The following HTR3B variants were observed in gnomAD, a reference collection of about 807,000 sequenced individuals.
The protein encoded by HTR3B is 5-hydroxytryptamine (serotonin) receptor 3B, ionotropic.
In HTR3B, 44 loss-of-function variants were observed where a neutral mutation model predicts 42.8. The observed-to-expected ratio is 1.03, with a 90% CI of 0.81 to 1.32. HTR3B has a LOEUF of 1.32. HTR3B is among the 40% of genes most tolerant of loss of function. HTR3B has a pLI of 0.00. For synonymous variants in HTR3B, 203 were observed against 209.0 expected (o/e 0.97, Z 0.25); for missense variants, 527 against 536.5 (o/e 0.98, Z 0.17).
rs1487650788 is a variant in HTR3B, at chr11:113,948,666, C to A, written c.*2529C>A. 1.3e-5 allele frequency among the ~76,000 whole-genome samples: 2 copies of A among 152,144 alleles called. No homozygotes were observed. The highest frequency in any genetic ancestry group is 2.4e-5 in the African/African-American group (1 of 41,438). Reference sequence around the variant, plus strand: ...ATTACCTGAGGTCAGGAGTTTGAGACCAGCCTGACCAACATGGAGAAACCC... The same window carrying A: ...ATTACCTGAGGTCAGGAGTTTGAGAACAGCCTGACCAACATGGAGAAACCC... On this transcript the variant is annotated 3_prime_UTR_variant, in exon 9 of 9. Transcript: ENST00000260191.
intron 1 of HTR3B, among the ~76,000 whole-genome samples, chr11:113,907,174 C>T (rs1949740321): frequency 6.6e-6 from 1 of 152,220 alleles, no homozygotes; most frequent in Admixed American, 6.5e-5. Flanking sequence ...CTAACACATT[C>T]TACTTTCCAG....
intron 4 of HTR3B, 142 bp downstream of exon 4, chr11:113,932,009 AG>A: frequency 1.5e-6 from 1 of 662,100 alleles, no homozygotes; most frequent in Admixed American, 2.4e-5. Context: ...TCAGGTTAGA[AG>A]TGCCATGTGT....
At chr11:113,927,171 G>A (rs1331432657) in intron 2 of HTR3B, among the ~76,000 whole-genome samples, 1 of 152,040 alleles carries the variant, frequency 6.6e-6, no homozygotes, top group Non-Finnish European at 1.5e-5. Flanking sequence ...ACAGTTCAGT[G>A]GCATTAAGTA....
intron 2 of HTR3B, among the ~76,000 whole-genome samples, chr11:113,926,112 A>T (rs1949968576): frequency 6.6e-6 from 1 of 152,202 alleles, no homozygotes; most frequent in African/African-American, 2.4e-5. Flanking sequence ...TATAAGTGGA[A>T]TCATACCATA....
chr11:113,929,480 T>G (rs948229297), intron 2 of HTR3B, among the ~76,000 whole-genome samples: 4 of 152,144 alleles, frequency 2.6e-5, no homozygotes, highest in African/African-American at 9.7e-5. Context: ...TCTTTCTCTC[T>G]TCCTTGTCTT....
At chr11:113,940,712 A>C (rs1021180406) in intron 6 of HTR3B, among the ~76,000 whole-genome samples, 1 of 152,202 alleles carries the variant, frequency 6.6e-6, no homozygotes, top group African/African-American at 2.4e-5. Context: ...TCCCAGACCC[A>C]ATGGCTGGAG....
chr11:113,899,838 G>A (rs1340988193), upstream of HTR3B, among the ~76,000 whole-genome samples: 4 of 152,214 alleles, frequency 2.6e-5, no homozygotes, highest in African/African-American at 9.6e-5. Flanking sequence ...GGGATGTGAA[G>A]TGGGGACTTC....
At chr11:113,900,129 G>A (rs151313886), upstream of HTR3B, among the ~76,000 whole-genome samples, 19 of 152,086 alleles carry the variant, frequency 1.2e-4, no homozygotes, top group African/African-American at 4.3e-4. Context: ...GTGGTGGCAT[G>A]CACCTGTAGT....
At chr11:113,901,775 A>G (rs1949699109), upstream of HTR3B, among the ~76,000 whole-genome samples, 1 of 152,216 alleles carries the variant, frequency 6.6e-6, no homozygotes, top group Non-Finnish European at 1.5e-5. Flanking sequence ...AAGTGCAAAG[A>G]AAAGGGAGGG....
At chr11:113,921,398 C>A (rs1004683211) in intron 2 of HTR3B, among the ~76,000 whole-genome samples, 5 of 152,116 alleles carry the variant, frequency 3.3e-5, no homozygotes, top group Admixed American at 3.3e-4. Flanking sequence ...CCCGCCTCAG[C>A]CTCCCAAAGT....
intron 2 of HTR3B, among the ~76,000 whole-genome samples, chr11:113,922,700 C>G (rs1300979981): frequency 1.3e-5 from 2 of 151,722 alleles, no homozygotes; most frequent in Admixed American, 1.3e-4. Flanking sequence ...GGACTACAGG[C>G]GCCCGCCACT....
intron 2 of HTR3B, among the ~76,000 whole-genome samples, chr11:113,917,476 T>G (rs1262577353): frequency 1.3e-5 from 2 of 152,166 alleles, no homozygotes; most frequent in African/African-American, 4.8e-5. Flanking sequence ...ATTAACTTGA[T>G]GGAGTGGAAT....
upstream of HTR3B, among the ~76,000 whole-genome samples, chr11:113,904,131 T>C (rs932259755): frequency 2.6e-5 from 4 of 152,200 alleles, no homozygotes; most frequent in African/African-American, 9.7e-5. Flanking sequence ...TGTTATTGTA[T>C]AGAATTATGC....
rs568793549 is a variant in HTR3B, at chr11:113,919,873, A to T, written c.213+10418A>T. Among the ~76,000 whole-genome samples, 38 of 152,126 alleles carry T rather than the reference A, an allele frequency of 2.5e-4. No individual in the cohort carries two copies. The South Asian group carries it at 4.2e-3, about 17-fold the overall frequency. On this transcript the variant is annotated intron_variant, in intron 2 of 8. Transcript: ENST00000260191. ...CAACAACAACAACAACAACAAAAAG[A>T]GTACAAGGTTTAAATTTTTTTTCCT...
intron 1 of HTR3B, among the ~76,000 whole-genome samples, chr11:113,906,041 A>G (rs917353102): frequency 3.3e-5 from 5 of 152,246 alleles, no homozygotes; most frequent in African/African-American, 9.6e-5. Context: ...AAATAGAAAA[A>G]TGAAGGTAAG....
chr11:113,922,332 C>T (rs1286743432), intron 2 of HTR3B, among the ~76,000 whole-genome samples: 1 of 151,904 alleles, frequency 6.6e-6, no homozygotes, highest in East Asian at 1.9e-4. Context: ...CTCCCAGGCT[C>T]AGGTGATCCT....
At chr11:113,937,095 G>T (rs1176739) in intron 6 of HTR3B, among the ~76,000 whole-genome samples, 1 of 152,136 alleles carries the variant, frequency 6.6e-6, no homozygotes, top group Non-Finnish European at 1.5e-5. Flanking sequence ...TTCCCTTTCT[G>T]TGGAATTTAA....
chr11:113,904,862 G>C lies in HTR3B; in HGVS notation c.-72G>C. ...GGAGAACAGAGTGGAGAGGAACCCT[G>C]TTAGGAGAAATTGAGCGGCATTCCA... On this transcript the variant is annotated 5_prime_UTR_variant, in exon 1 of 9. Coordinates refer to ENST00000260191, the MANE Select transcript of HTR3B (RefSeq NM_006028.5). 8.4e-7 allele frequency: 1 copy of C among 1,192,452 alleles called. No homozygotes were observed. Among genetic ancestry groups the C allele is most frequent in the Non-Finnish European group, 1.3e-6 (1 of 795,778 alleles). 73.9% of individuals were successfully genotyped at this position (1,192,452 alleles called of 1,614,324 possible).
intron 2 of HTR3B, among the ~76,000 whole-genome samples, chr11:113,915,454 T>C (rs930617246): frequency 1.3e-5 from 2 of 152,254 alleles, no homozygotes; most frequent in Admixed American, 1.3e-4. Flanking sequence ...AATGGAATTA[T>C]ATGTTATTTT....
Sources: gnomAD v4.1 joint callset for allele counts (sites outside exome capture counted in the v4.1 genomes callset) on GRCh38, gnomAD v4.1.1 for gene constraint, MANE v1.5 for transcripts, NCBI Gene and HGNC (gene_info 2026-07-23, HGNC 2026-07-21) for gene names.